DSP: variants seen among roughly 807,000 people sequenced by gnomAD.
DSP encodes 250/210 kDa paraneoplastic pemphigus antigen.
In DSP, 114 loss-of-function variants were observed where a neutral mutation model predicts 290.6. The observed-to-expected ratio is 0.39, with a 90% confidence interval of 0.34 to 0.46. The LOEUF (loss-of-function observed/expected upper bound fraction) is 0.46. Ranked by LOEUF, DSP falls within the 20% of genes least tolerant of loss-of-function variation. The pLI, the probability that DSP is intolerant of heterozygous loss-of-function variation, is 0.99. For missense variants in DSP, 3,230 were observed against 3,495.8 expected (o/e 0.92, Z 1.92); for synonymous variants, 1,311 against 1,316.4 (o/e 1.00, Z 0.09).
intron 2 of DSP, among the ~76,000 whole-genome samples, chr6:7,556,547 G>A (rs1176060419): frequency 6.6e-6 from 1 of 152,118 alleles, no homozygotes; most frequent in Non-Finnish European, 1.5e-5. Flanking sequence ...CCCTAATGCC[G>A]ACACTGGTAT....
intron 3 of DSP, 56 bp downstream of exon 3, chr6:7,558,320 C>G: frequency 1.3e-6 from 2 of 1,579,362 alleles, no homozygotes; most frequent in South Asian, 1.1e-5. Flanking sequence ...CACCACATAA[C>G]CAGTTACACT....
In DSP at chr6:7,584,199, G is replaced by C; in HGVS notation, c.6937G>C (p.Glu2313Gln). ...DPVSNLRLPV[E>Q]EAYKRGLVGI... ...TGTTAGCAACTTGAGGTTACCAGTG[G>C]AGGAAGCCTACAAGAGAGGTCTGGT... The change falls in exon 24 of 24, where the codon GAG (glutamate) becomes CAG (glutamine). Residue 2313 changes from glutamate (E) to glutamine (Q), a missense_variant. By Grantham distance (29) the Glu-to-Gln change is conservative. Around this residue, in one of 5 missense-constraint regions of DSP, gnomAD observed 207 missense variants for 281.2 expected, o/e 0.74. Transcript: ENST00000379802. This position sits in a 1 kb window ranked among gnomAD's most constrained non-coding sequence, Gnocchi z 6.4. 1 of 1,614,156 alleles carries C rather than the reference G, an allele frequency of 6.2e-7. No homozygotes were observed. The highest frequency in any genetic ancestry group is 1.3e-5 in the African/African-American group (1 of 75,034).
intron 1 of DSP, among the ~76,000 whole-genome samples, chr6:7,550,218 G>GTTTT (rs199882901): frequency 7.2e-6 from 1 of 139,684 alleles, no homozygotes. Context: ...CAGCTGTTTT[G>GTTTT]TTTTTGTTTT....
intron 17 of DSP, among the ~76,000 whole-genome samples, 184 bp from the exon 18 acceptor site, chr6:7,575,111 T>G (rs561828376): frequency 1.3e-4 from 20 of 152,338 alleles, no homozygotes; most frequent in African/African-American, 4.8e-4. Context: ...AGAACAAGAT[T>G]ATTGGAACAA....
chr6:7,566,820 T>C (rs1357990656), intron 8 of DSP, among the ~76,000 whole-genome samples: 1 of 152,214 alleles, frequency 6.6e-6, no homozygotes, highest in Non-Finnish European at 1.5e-5. Flanking sequence ...GCCCTTGAGC[T>C]ATAGTTTGGT....
chr6:7,543,913 A>C (rs1238963065), intron 1 of DSP, among the ~76,000 whole-genome samples: 1 of 152,296 alleles, frequency 6.6e-6, no homozygotes, highest in South Asian at 2.1e-4. Context: ...TCCCCATTGA[A>C]ACATTTAATT....
At chr6:7,549,224 A>G (rs1024872611) in intron 1 of DSP, among the ~76,000 whole-genome samples, 1 of 151,582 alleles carries the variant, frequency 6.6e-6, no homozygotes, top group Non-Finnish European at 1.5e-5. Flanking sequence ...ATCTCGGCTC[A>G]CTGCAACCTC....
chr6:7,583,705 C>G lies in DSP; in HGVS notation c.6443C>G (p.Ala2148Gly). 1 of 1,614,048 alleles carries G rather than the reference C, an allele frequency of 6.2e-7. No homozygotes were observed. Among genetic ancestry groups the G allele is most frequent in the Non-Finnish European group, 8.5e-7 (1 of 1,180,022 alleles). Residue 2148 changes from alanine to glycine, a missense_variant, in exon 24 of 24, where the codon GCC becomes GGC. Ala to Gly is a moderately conservative substitution (Grantham distance 60). Coordinates refer to ENST00000379802, the MANE Select transcript of DSP (RefSeq NM_004415.4). The surrounding 1 kb of genome is among the most constrained non-coding windows in gnomAD (Gnocchi z 4.0). Reference sequence around the variant, plus strand: ...AGTGTCTTTTTGCCAAAAGATGTCGCCTTGGCCCGGGGGCTGATTGATAGA... The same window carrying G: ...AGTGTCTTTTTGCCAAAAGATGTCGGCTTGGCCCGGGGGCTGATTGATAGA... ...VNSVFLPKDV[A>G]LARGLIDRDL...
chr6:7,570,330 G>A, intron 12 of DSP, 107 bp from the exon 13 acceptor site: 2 of 1,536,572 alleles, frequency 1.3e-6, no homozygotes, highest in Non-Finnish European at 1.8e-6. Context: ...TACTTTATCA[G>A]TGACTGTTGT....
At chr6:7,563,422 C>T (rs778893546) in intron 5 of DSP, among the ~76,000 whole-genome samples, 8 of 151,330 alleles carry the variant, frequency 5.3e-5, no homozygotes, top group Non-Finnish European at 2.9e-5. Flanking sequence ...CTTTCTCCTT[C>T]ATTTCTCTAA....
intron 1 of DSP, among the ~76,000 whole-genome samples, chr6:7,553,110 C>T (rs1404285643): frequency 6.6e-6 from 1 of 152,106 alleles, no homozygotes; most frequent in African/African-American, 2.4e-5. Context: ...TGTGTATACC[C>T]TCACCCAGTT....
intron 1 of DSP, among the ~76,000 whole-genome samples, chr6:7,543,793 A>G (rs1344280856): frequency 1.3e-5 from 2 of 152,208 alleles, no homozygotes; most frequent in African/African-American, 2.4e-5. Flanking sequence ...AATCAGTACT[A>G]TTAATCGAAT....
rs1759237078 is a variant in DSP, at chr6:7,576,285, T to TC, written c.2631-3dup. On this transcript the variant is annotated splice_polypyrimidine_tract_variant and intron_variant, in intron 18 of 23. Transcript: ENST00000379802. ...AGATAATGATTTTATTGTATCTATT[T>TC]CCCCCCAGGTTATGGGACCTGGAGA... is the stretch of plus-strand genomic sequence containing the variant. The TC allele has an allele frequency of 3.1e-6, 5 of 1,612,998 alleles. No homozygotes were observed. The highest frequency in any genetic ancestry group is 4.2e-6 in the Non-Finnish European group (5 of 1,179,042).
intron 23 of DSP, among the ~76,000 whole-genome samples, chr6:7,581,952 C>A (rs755552928): frequency 1.1e-4 from 16 of 152,046 alleles, no homozygotes; most frequent in Non-Finnish European, 1.9e-4. Flanking sequence ...TAAAGTGTTT[C>A]CCTATGCAAT....
At chr6:7,553,204 A>G (rs1372566594) in intron 1 of DSP, among the ~76,000 whole-genome samples, 3 of 152,132 alleles carry the variant, frequency 2.0e-5, no homozygotes, top group Non-Finnish European at 1.5e-5. Context: ...TCCTGAGCTC[A>G]AGCAATCCTT....
intron 1 of DSP, among the ~76,000 whole-genome samples, chr6:7,547,743 T>A (rs936812737): frequency 1.3e-5 from 2 of 152,122 alleles, no homozygotes; most frequent in African/African-American, 4.8e-5. Context: ...GGCCTTTGAA[T>A]TTTCTTACCC....
At position 7,542,993 on chromosome 6, in the gene DSP, G is replaced by A. The variant is rs137930178; in HGVS notation, c.170+908G>A. 5.6e-3 allele frequency among the ~76,000 whole-genome samples: 855 copies of A among 152,292 alleles called. 9 individuals carry two copies. Among genetic ancestry groups the A allele is most frequent in the African/African-American group, 0.019 (770 of 41,528 alleles). On this transcript the variant is annotated intron_variant, in intron 1 of 23. Coordinates refer to ENST00000379802, the MANE Select transcript of DSP (RefSeq NM_004415.4). ...GGCCCGCCCTGGCCTAGGCGCCCCG[G>A]GAAGACCCCCCGGTGAGAGGGTCAG...
At chr6:7,552,987 C>T in intron 1 of DSP, among the ~76,000 whole-genome samples, 1 of 152,322 alleles carries the variant, frequency 6.6e-6, no homozygotes, top group East Asian at 1.9e-4. Flanking sequence ...TGTATGTACA[C>T]TTCGGTGCGT....
chr6:7,546,017 G>T (rs1367245927), intron 1 of DSP, among the ~76,000 whole-genome samples: 1 of 152,212 alleles, frequency 6.6e-6, no homozygotes, highest in Non-Finnish European at 1.5e-5. Context: ...GCTGGTGCAG[G>T]TTTTCACTGA....
Sources: gnomAD v4.1 joint callset for allele counts (sites outside exome capture counted in the v4.1 genomes callset) on GRCh38, gnomAD v4.1.1 for gene constraint, gnomAD v4.1.1 regional missense constraint, Gnocchi (gnomAD v3.1) non-coding constraint, MANE v1.5 for transcripts, NCBI Gene and HGNC (gene_info 2026-07-23, HGNC 2026-07-21) for gene names.